AGBL1: variants seen among roughly 807,000 people sequenced by gnomAD.
AGBL1 encodes AGBL carboxypeptidase 1, also known as cytosolic carboxypeptidase 4.
In AGBL1, 130 loss-of-function variants were observed where a neutral mutation model predicts 118.9. The observed-to-expected ratio is 1.09, with a 90% confidence interval of 0.95 to 1.26. The LOEUF is 1.26. Among genes scored for constraint, AGBL1 ranks in the 50% most tolerant of loss-of-function variants. AGBL1 has a pLI of 0.00. For synonymous variants in AGBL1, 555 were observed against 478.9 expected (o/e 1.16, Z -2.08); for missense variants, 1,584 against 1,298.1 (o/e 1.22, Z -3.38).
chr15:86,663,134 C>A (rs116814597), intron 21 of AGBL1, among the ~76,000 whole-genome samples: 1 of 152,028 alleles, frequency 6.6e-6, no homozygotes, highest in Non-Finnish European at 1.5e-5. Flanking sequence ...CTGCTCATAC[C>A]CACCAAGTGA....
chr15:86,943,305 C>G (rs2080777700), intron 23 of AGBL1, among the ~76,000 whole-genome samples: 1 of 152,092 alleles, frequency 6.6e-6, no homozygotes, highest in Non-Finnish European at 1.5e-5. Flanking sequence ...ACTTTATATC[C>G]TGACATAGAA....
chr15:86,499,227 G>T (rs1167583535), intron 18 of AGBL1, among the ~76,000 whole-genome samples: 1 of 151,884 alleles, frequency 6.6e-6, no homozygotes, highest in Non-Finnish European at 1.5e-5. Flanking sequence ...ACAACCAACA[G>T]TTATCAGCAA....
At chr15:86,154,409 T>C (rs1183174521) in intron 3 of AGBL1, 21 bp from the exon 4 acceptor site, 2 of 1,608,324 alleles carry the variant, frequency 1.2e-6, no homozygotes, top group South Asian at 2.2e-5. Context: ...GCAACTAAGA[T>C]AGATTGATTT....
chr15:86,899,776 A>T (rs1417899398), intron 22 of AGBL1, among the ~76,000 whole-genome samples: 2 of 152,134 alleles, frequency 1.3e-5, no homozygotes, highest in Non-Finnish European at 2.9e-5. Context: ...TTGCAGCCTG[A>T]TGCATATTGT....
At chr15:86,433,437 T>C (rs1254429601) in intron 18 of AGBL1, among the ~76,000 whole-genome samples, 1 of 152,002 alleles carries the variant, frequency 6.6e-6, no homozygotes, top group African/African-American at 2.4e-5. Context: ...GGAAATTACG[T>C]TGGCATTTCT....
chr15:86,085,887 A>G (rs1442932756), intron 1 of AGBL1, among the ~76,000 whole-genome samples: 1 of 152,204 alleles, frequency 6.6e-6, no homozygotes, highest in Non-Finnish European at 1.5e-5. Flanking sequence ...ACCAGAGTTG[A>G]GTCAAAAAGT....
At chr15:86,504,306 T>A (rs1391433705) in intron 18 of AGBL1, among the ~76,000 whole-genome samples, 1 of 151,552 alleles carries the variant, frequency 6.6e-6, no homozygotes, top group African/African-American at 2.4e-5. Context: ...GTCTTTGAAT[T>A]CACAGTATAT....
At chr15:86,288,995 GC>G (rs1265904688) in intron 16 of AGBL1, among the ~76,000 whole-genome samples, 1 of 151,942 alleles carries the variant, frequency 6.6e-6, no homozygotes, top group African/African-American at 2.4e-5. Context: ...TATTACTATT[GC>G]CATGCTTGCT....
chr15:86,868,344 C>T (rs780085310), intron 22 of AGBL1, among the ~76,000 whole-genome samples: 2 of 152,170 alleles, frequency 1.3e-5, no homozygotes, highest in African/African-American at 2.4e-5. Flanking sequence ...GCTAACCAAG[C>T]CACACAAGAC....
intron 21 of AGBL1, among the ~76,000 whole-genome samples, chr15:86,601,520 C>A (rs905869148): frequency 6.6e-6 from 1 of 152,034 alleles, no homozygotes; most frequent in African/African-American, 2.4e-5. Flanking sequence ...TTAATTAATT[C>A]AATGAATTAA....
chr15:86,242,959 T>A (rs971261464), intron 6 of AGBL1, among the ~76,000 whole-genome samples: 1 of 152,174 alleles, frequency 6.6e-6, no homozygotes, highest in Non-Finnish European at 1.5e-5. Flanking sequence ...TTTATAAAGA[T>A]GGTTGGGATC....
intron 20 of AGBL1, 70 bp downstream of exon 20, chr15:86,546,203 GC>G: frequency 7.2e-7 from 1 of 1,390,876 alleles, no homozygotes; most frequent in Non-Finnish European, 9.5e-7. Context: ...TTAAGACCAT[GC>G]CCCACTCATT....
At chr15:86,273,341 A>T (rs570639096) in intron 15 of AGBL1, among the ~76,000 whole-genome samples, 3 of 152,336 alleles carry the variant, frequency 2.0e-5, no homozygotes, top group African/African-American at 7.2e-5. Flanking sequence ...ATAAGAAAAA[A>T]ACCATGAATG....
chr15:86,925,635 G>C (rs2080527906), intron 23 of AGBL1, among the ~76,000 whole-genome samples: 1 of 150,840 alleles, frequency 6.6e-6, no homozygotes, highest in African/African-American at 2.4e-5. Flanking sequence ...CCACCAAATA[G>C]GTGCTGACAG....
chr15:86,801,361 A>C (rs577829788), intron 22 of AGBL1, among the ~76,000 whole-genome samples: 1 of 119,530 alleles, frequency 8.4e-6, no homozygotes, highest in Non-Finnish European at 1.9e-5. Flanking sequence ...ATCTATATTA[A>C]AGCCTTCTTA....
At chr15:86,868,360 C>A (rs1430236181) in intron 22 of AGBL1, among the ~76,000 whole-genome samples, 2 of 152,208 alleles carry the variant, frequency 1.3e-5, no homozygotes, top group African/African-American at 4.8e-5. Context: ...AAGACTGTAA[C>A]CTCTTGGGTC....
chr15:86,126,734 C>G (rs1268386011), intron 1 of AGBL1, among the ~76,000 whole-genome samples: 1 of 152,174 alleles, frequency 6.6e-6, no homozygotes, highest in East Asian at 1.9e-4. Flanking sequence ...AGACCTAGGG[C>G]ATAGGGAAAG....
At chr15:86,578,948 G>A (rs2084136314) in intron 21 of AGBL1, among the ~76,000 whole-genome samples, 1 of 152,164 alleles carries the variant, frequency 6.6e-6, no homozygotes, top group East Asian at 1.9e-4. Flanking sequence ...TAATTTAGCA[G>A]TGTCTGACAC....
intron 6 of AGBL1, among the ~76,000 whole-genome samples, chr15:86,237,220 A>G (rs2078566625): frequency 6.6e-6 from 1 of 152,200 alleles, no homozygotes; most frequent in African/African-American, 2.4e-5. Context: ...GTGACACACT[A>G]TTGGCTGACA....
Sources: allele counts gnomAD v4.1 joint callset (sites outside exome capture counted in the v4.1 genomes callset), GRCh38; gene constraint gnomAD v4.1.1; transcripts MANE v1.5; gene names NCBI Gene and HGNC (gene_info 2026-07-23, HGNC 2026-07-21).